Variants in COMMD10 observed in about 807,000 individuals in gnomAD.
COMMD10 encodes COMM domain-containing protein 10.
COMMD10 carries 33 observed loss-of-function variants against 28.9 expected under a neutral mutation model. That is an observed-to-expected ratio of 1.14 (90% CI 0.87 to 1.53). COMMD10 has a LOEUF of 1.53. COMMD10 is among the 40% of genes most tolerant of loss of function. The probability of loss-of-function intolerance (pLI) is 0.00; values close to 1 mark genes in which losing one functional copy is unlikely to be tolerated. For missense variants in COMMD10, 310 were observed against 233.4 expected, an observed-to-expected ratio of 1.33 and a Z score of -2.14; for synonymous variants, 110 against 81.7, an observed-to-expected ratio of 1.35 and a Z score of -1.87.
chr5:116,276,204 C>G (rs1580605379), intron 5 of COMMD10, among the ~76,000 whole-genome samples: 1 of 151,476 alleles, frequency 6.6e-6, no homozygotes, highest in African/African-American at 2.4e-5. Context: ...AAATTAATTT[C>G]AAATAAAATA....
intron 4 of COMMD10, among the ~76,000 whole-genome samples, chr5:116,127,957 A>T (rs1329413383): frequency 6.6e-6 from 1 of 152,026 alleles, no homozygotes; most frequent in Non-Finnish European, 1.5e-5. Flanking sequence ...GGGAAACATA[A>T]CAGATTATCA....
At chr5:116,290,623 G>A (rs1056641316) in intron 5 of COMMD10, among the ~76,000 whole-genome samples, 1 of 151,852 alleles carries the variant, frequency 6.6e-6, no homozygotes, top group African/African-American at 2.4e-5. Context: ...GCTCAATTTT[G>A]CATCAGTTTT....
intron 5 of COMMD10, among the ~76,000 whole-genome samples, chr5:116,177,525 AC>A (rs11291496): frequency 0.31 from 45,627 of 145,384 alleles, 9,642 homozygotes; most frequent in African/African-American, 0.61. Context: ...TGTCTAAGTG[AC>A]CCCCCCCACC....
rs1751412346 is a variant in COMMD10, at chr5:116,293,010, G to A, written c.*521G>A. ...ATATAGGAAGGAAATGTAAAATAGT[G>A]AGTAGTATGGTATCAGTTAATTCCA... is the stretch of plus-strand genomic sequence containing the variant. On this transcript the variant is annotated 3_prime_UTR_variant, in exon 7 of 7. Coordinates refer to ENST00000274458, the MANE Select transcript of COMMD10 (RefSeq NM_016144.4). The A allele has an allele frequency of 2.5e-6, 1 of 397,256 alleles. No individual in the cohort carries two copies. Among genetic ancestry groups the A allele is most frequent in the South Asian group, 1.3e-4 (1 of 7,844 alleles). 24.6% of individuals were successfully genotyped at this position (397,256 alleles called of 1,614,324 possible). A position where few individuals can be genotyped will look rare whatever the true frequency, so the allele number is the denominator to read the frequency against.
intron 5 of COMMD10, among the ~76,000 whole-genome samples, chr5:116,254,958 C>G (rs1750238430): frequency 6.6e-6 from 1 of 151,416 alleles, no homozygotes; most frequent in South Asian, 2.1e-4. Flanking sequence ...TCACTCAGGA[C>G]TTGCTTTATG....
chr5:116,195,544 C>T (rs1748491539), intron 5 of COMMD10, among the ~76,000 whole-genome samples: 1 of 152,012 alleles, frequency 6.6e-6, no homozygotes, highest in South Asian at 2.1e-4. Context: ...GTCAAGAACT[C>T]AACCCCTTTT....
intron 5 of COMMD10, among the ~76,000 whole-genome samples, chr5:116,236,131 T>C (rs974051771): frequency 6.6e-6 from 1 of 152,098 alleles, no homozygotes; most frequent in African/African-American, 2.4e-5. Context: ...TAACCTTGGG[T>C]ATGGAAGCAT....
intron 4 of COMMD10, among the ~76,000 whole-genome samples, chr5:116,104,854 C>T (rs934239129): frequency 5.3e-5 from 8 of 152,268 alleles, no homozygotes; most frequent in South Asian, 4.1e-4. Context: ...CCCCTGACCT[C>T]GTGATCCGTC....
chr5:116,252,020 G>T (rs1580584283), intron 5 of COMMD10, among the ~76,000 whole-genome samples: 1 of 146,984 alleles, frequency 6.8e-6, no homozygotes, highest in African/African-American at 2.7e-5. Context: ...ATCTCATTGT[G>T]GTTTTGATTT....
chr5:116,189,208 C>G (rs568377658), intron 5 of COMMD10, among the ~76,000 whole-genome samples: 5 of 152,074 alleles, frequency 3.3e-5, no homozygotes, highest in African/African-American at 9.7e-5. Context: ...AGTTGGAAAT[C>G]GCTGCATGAG....
At chr5:116,189,365 A>G (rs145683010) in intron 5 of COMMD10, among the ~76,000 whole-genome samples, 9 of 152,290 alleles carry the variant, frequency 5.9e-5, no homozygotes, top group African/African-American at 2.2e-4. Context: ...ACCAGTGGAG[A>G]TACTGGTACC....
chr5:116,094,062 T>A (rs1476681520), intron 4 of COMMD10, among the ~76,000 whole-genome samples: 2 of 152,120 alleles, frequency 1.3e-5, no homozygotes, highest in African/African-American at 4.8e-5. Context: ...CCACAACTGT[T>A]AAAATACTAG....
intron 5 of COMMD10, among the ~76,000 whole-genome samples, chr5:116,243,835 AT>A (rs1234223095): frequency 6.6e-6 from 1 of 152,192 alleles, no homozygotes. Context: ...AACTGCATTT[AT>A]TCTGGGCTTG....
At chr5:116,162,619 C>A (rs577315366) in intron 5 of COMMD10, among the ~76,000 whole-genome samples, 41 of 152,186 alleles carry the variant, frequency 2.7e-4, no homozygotes, top group African/African-American at 9.9e-4. Flanking sequence ...ACTGAGCTTA[C>A]CAATTTAGAA....
chr5:116,248,910 TACTG>T (rs1189813497), intron 5 of COMMD10, among the ~76,000 whole-genome samples: 2 of 152,016 alleles, frequency 1.3e-5, no homozygotes, highest in African/African-American at 2.4e-5. Context: ...AAATTTAAGT[TACTG>T]ACATCTTGTT....
chr5:116,144,276 C>G (rs943891211), intron 5 of COMMD10, among the ~76,000 whole-genome samples: 1 of 151,686 alleles, frequency 6.6e-6, no homozygotes, highest in African/African-American at 2.4e-5. Flanking sequence ...AGCCAAATAC[C>G]AAAGGAAGAG....
chr5:116,286,700 T>C (rs1186654708), intron 5 of COMMD10, among the ~76,000 whole-genome samples: 1 of 151,876 alleles, frequency 6.6e-6, no homozygotes, highest in Admixed American at 6.6e-5. Context: ...GTTTGTAGTT[T>C]TATTCCATTG....
At chr5:116,114,703 G>A (rs1554085042) in intron 4 of COMMD10, among the ~76,000 whole-genome samples, 1 of 152,192 alleles carries the variant, frequency 6.6e-6, no homozygotes, top group East Asian at 1.9e-4. Flanking sequence ...GGAGAGTGGG[G>A]CTACTGGTCC....
chr5:116,231,751 A>G (rs1003154440), intron 5 of COMMD10, among the ~76,000 whole-genome samples: 4 of 152,134 alleles, frequency 2.6e-5, no homozygotes, highest in Admixed American at 6.6e-5. Context: ...TAACTTTTAT[A>G]TGACTGTTAT....
Sources: gnomAD v4.1 joint callset for allele counts (sites outside exome capture counted in the v4.1 genomes callset) on GRCh38, gnomAD v4.1.1 for gene constraint, MANE v1.5 for transcripts, NCBI Gene and HGNC (gene_info 2026-07-23, HGNC 2026-07-21) for gene names.